MAP3K19: variants seen among roughly 807,000 people sequenced by gnomAD.
MAP3K19 encodes the protein SPS1/STE20-related protein kinase YSK4.
MAP3K19 carries 91 observed loss-of-function variants against 114.4 expected under a neutral mutation model. The observed-to-expected ratio is 0.80, with a 90% CI of 0.67 to 0.95. The LOEUF (loss-of-function observed/expected upper bound fraction) is 0.95. MAP3K19 is among the 40% of genes least tolerant of loss of function. MAP3K19 has a pLI of 0.00. For missense variants in MAP3K19, 1,471 were observed against 1,573.2 expected, an observed-to-expected ratio of 0.94 and a Z score of 1.10; for synonymous variants, 518 against 530.5, an observed-to-expected ratio of 0.98 and a Z score of 0.32.
At chr2:135,021,677 G>T in intron 5 of MAP3K19, 38 bp downstream of exon 5, 1 of 1,144,402 alleles carries the variant, frequency 8.7e-7, no homozygotes, top group Non-Finnish European at 1.3e-6. Flanking sequence ...AGTAGATGGA[G>T]TAGGCTGTCC....
At chr2:135,019,927 T>C (rs1229002785) in intron 5 of MAP3K19, among the ~76,000 whole-genome samples, 5 of 152,204 alleles carry the variant, frequency 3.3e-5, no homozygotes, top group South Asian at 2.1e-4. Context: ...TCATTCATCA[T>C]AGACAGAATG....
intron 6 of MAP3K19, 101 bp downstream of exon 6, chr2:135,005,334 G>T (rs891868328): frequency 3.5e-6 from 3 of 849,994 alleles, no homozygotes; most frequent in Non-Finnish European, 2.0e-6. Flanking sequence ...AGGCTCCAGT[G>T]TATGTTGTTC....
chr2:135,022,090 A>T (rs1688020893), intron 4 of MAP3K19, among the ~76,000 whole-genome samples: 2 of 152,190 alleles, frequency 1.3e-5, no homozygotes, highest in South Asian at 4.1e-4. Context: ...AAAAAATCAA[A>T]CAGGTAGTTT....
chr2:135,037,278 G>A (rs1355941675), intron 2 of MAP3K19, among the ~76,000 whole-genome samples: 4 of 152,202 alleles, frequency 2.6e-5, no homozygotes, highest in Admixed American at 6.5e-5. Context: ...GATTACAGGC[G>A]TGAGCCATCA....
At chr2:134,982,424 TC>T (rs927945966) in intron 11 of MAP3K19, among the ~76,000 whole-genome samples, 4 of 150,582 alleles carry the variant, frequency 2.7e-5, no homozygotes, top group African/African-American at 9.8e-5. Context: ...TGATCTGGGC[TC>T]ACTGCAACCT....
At chr2:135,012,918 T>C (rs1046633022) in intron 5 of MAP3K19, among the ~76,000 whole-genome samples, 1 of 151,876 alleles carries the variant, frequency 6.6e-6, no homozygotes, top group Non-Finnish European at 1.5e-5. Flanking sequence ...ATAACTGTTT[T>C]ATTTTCCAGA....
At chr2:134,983,042 A>G (rs1462606550) in intron 11 of MAP3K19, 1 of 360,858 alleles carries the variant, frequency 2.8e-6, no homozygotes, top group Non-Finnish European at 5.5e-6. Context: ...AACATTTGTC[A>G]TTTTCTTTGT....
rs569379538 is a variant in MAP3K19 at position 134,983,709 on chromosome 2, C to G, written c.3189G>C (p.Lys1063Asn). Residue 1063 changes from lysine (K) to asparagine (N), a missense_variant, in exon 11 of 13, where the codon AAG becomes AAC. Transcript: ENST00000392915. ...LKSEEPILWT[K>N]GEILGKGAYG... ...AGGCTCCCTTTCCAAGAATCTCACC[C>G]TTGGTCCATAGGATAGGTTCTTCAG... The G allele has an allele frequency of 1.3e-6, 2 of 1,586,958 alleles. No homozygotes were observed. Among genetic ancestry groups the G allele is most frequent in the African/African-American group, 1.4e-5 (1 of 73,350 alleles).
At chr2:135,038,747 A>G (rs192339181) in intron 2 of MAP3K19, among the ~76,000 whole-genome samples, 237 of 152,112 alleles carry the variant, frequency 1.6e-3, no homozygotes, top group African/African-American at 5.1e-3. Context: ...AATCCCAACT[A>G]CTTGGGAGAC....
intron 1 of MAP3K19, among the ~76,000 whole-genome samples, chr2:135,046,560 G>A (rs866157494): frequency 6.6e-6 from 1 of 152,194 alleles, no homozygotes; most frequent in Admixed American, 6.5e-5. Flanking sequence ...ACGGGCATGA[G>A]CCACCATGCC....
intron 5 of MAP3K19, among the ~76,000 whole-genome samples, chr2:135,017,175 TA>T (rs1299974279): frequency 6.6e-6 from 1 of 152,228 alleles, no homozygotes; most frequent in Admixed American, 6.5e-5. Flanking sequence ...AAAATATGAC[TA>T]GAAGTTCTCT....
chr2:135,027,265 G>A (rs1267741278), intron 3 of MAP3K19, among the ~76,000 whole-genome samples: 1 of 148,328 alleles, frequency 6.7e-6, no homozygotes, highest in Non-Finnish European at 1.5e-5. Context: ...AAGGAAGAAA[G>A]AAAGAGAGAG....
At position 134,987,355 on chromosome 2, in the gene MAP3K19, T is replaced by G; in HGVS notation, c.1517A>C (p.Gln506Pro). ...KEPVIAKPSL[Q>P]TRKGTIHNNH... ...GTTATGAATGGTTCCCTTTCTTGTT[T>G]GGAGGCTTGGTTTGGCTATCACTGG... Residue 506 changes from glutamine to proline, a missense_variant, in exon 10 of 13, where the codon CAA (glutamine) becomes CCA (proline). Coordinates refer to ENST00000392915, the MANE Select transcript of MAP3K19 (RefSeq NM_025052.5). 6.2e-7 allele frequency: 1 copy of G among 1,614,214 alleles called. No individual in the cohort carries two copies. The highest frequency in any genetic ancestry group is 1.1e-5 in the South Asian group (1 of 91,088).
chr2:135,037,567 T>C (rs1281087420), intron 2 of MAP3K19, among the ~76,000 whole-genome samples: 1 of 152,072 alleles, frequency 6.6e-6, no homozygotes, highest in Admixed American at 6.5e-5. Context: ...GGGGTGGACA[T>C]TGTTAGGAGG....
chr2:135,004,711 A>G (rs1686690356), intron 6 of MAP3K19, among the ~76,000 whole-genome samples: 1 of 152,158 alleles, frequency 6.6e-6, no homozygotes, highest in Non-Finnish European at 1.5e-5. Flanking sequence ...GTTAAGTGCA[A>G]GGGCACTTAC....
At chr2:135,020,661 G>C (rs1029338265) in intron 5 of MAP3K19, among the ~76,000 whole-genome samples, 2 of 152,206 alleles carry the variant, frequency 1.3e-5, no homozygotes, top group Admixed American at 1.3e-4. Flanking sequence ...CATGTCAAGG[G>C]AGGGACTTTG....
At chr2:135,040,041 C>T (rs1361584701) in intron 2 of MAP3K19, among the ~76,000 whole-genome samples, 1 of 152,180 alleles carries the variant, frequency 6.6e-6, no homozygotes, top group East Asian at 1.9e-4. Context: ...TTTCCAGGTA[C>T]TGATGGAGTT....
In MAP3K19 at chr2:134,987,189, C is replaced by T. The variant is rs753450491; in HGVS notation, c.1683G>A (p.Lys561=). 39 of 1,614,058 alleles carry T rather than the reference C, an allele frequency of 2.4e-5. No homozygotes were observed. Among genetic ancestry groups the T allele is most frequent in the Admixed American group, 3.3e-5 (2 of 60,008 alleles). Residue 561 remains lysine, a synonymous_variant, in exon 10 of 13, where the codon AAG becomes AAA. Coordinates refer to ENST00000392915, the MANE Select transcript of MAP3K19 (RefSeq NM_025052.5). ...NFVISTEGPI[K]PTMHKTSIKT... ...TTATGCTGGTTTTATGCATGGTAGG[C>T]TTAATGGGACCTTCAGTAGAAATCA...
At chr2:135,020,145 G>A (rs539987318) in intron 5 of MAP3K19, among the ~76,000 whole-genome samples, 2 of 152,164 alleles carry the variant, frequency 1.3e-5, no homozygotes, top group Middle Eastern at 3.4e-3. Context: ...AGCCTCCTGA[G>A]TAGCTGGGAT....
Sources: gnomAD v4.1 joint callset for allele counts (sites outside exome capture counted in the v4.1 genomes callset) on GRCh38, gnomAD v4.1.1 for gene constraint, MANE v1.5 for transcripts, NCBI Gene and HGNC (gene_info 2026-07-23, HGNC 2026-07-21) for gene names.